The following SH2D2A variants were observed in gnomAD, a reference collection of about 807,000 sequenced individuals.
SH2D2A encodes SH2 domain-containing protein 2A.
Under a neutral mutation model 43.6 loss-of-function variants are expected in SH2D2A, and 33 were observed. That is an observed-to-expected ratio of 0.76 (90% CI 0.57 to 1.01). The LOEUF (loss-of-function observed/expected upper bound fraction) is 1.01, where lower values mean the gene tolerates loss of function less well. Ranked by LOEUF, SH2D2A falls within the 50% of genes least tolerant of loss-of-function variation. The probability of loss-of-function intolerance (pLI) is 0.00; values close to 1 mark genes in which losing one functional copy is unlikely to be tolerated. For missense variants in SH2D2A, 491 were observed against 503.1 expected, an observed-to-expected ratio of 0.98 and a Z score of 0.23; for synonymous variants, 212 against 206.1, an observed-to-expected ratio of 1.03 and a Z score of -0.25.
At chr1:156,813,150 C>T (rs769346939) in intron 5 of SH2D2A, among the ~76,000 whole-genome samples, 9 of 152,106 alleles carry the variant, frequency 5.9e-5, no homozygotes, top group Non-Finnish European at 1.3e-4. Context: ...CTAAGTACTC[C>T]GTAAGTATCT....
chr1:156,816,074 G>A lies in SH2D2A; in HGVS notation c.55C>T (p.Pro19Ser). Residue 19 changes from proline to serine, a missense_variant, in exon 2 of 9, where the codon CCA becomes TCA. Physicochemically the swap from Pro to Ser is moderately conservative, Grantham distance 74. Transcript: ENST00000368199. ...GTGATCTGGAAGGTGCTGAAGGTTGGGATGGGGGCTTCGTGACTCCCTGTG... is the reference window on the plus strand; with the variant it reads ...GTGATCTGGAAGGTGCTGAAGGTTGAGATGGGGGCTTCGTGACTCCCTGTG... ...CPQGSHEAPI[P>S]TFSTFQITDM... 2.5e-6 allele frequency: 4 copies of A among 1,613,902 alleles called. No individual in the cohort carries two copies. The highest frequency in any genetic ancestry group is 3.4e-6 in the Non-Finnish European group (4 of 1,179,888).
rs2777927 is a variant in SH2D2A, at chr1:156,809,534, C to G, written c.715-44G>C. 115 of 1,561,872 alleles carry G rather than the reference C, an allele frequency of 7.4e-5. No homozygotes were observed. Among genetic ancestry groups the G allele is most frequent in the Non-Finnish European group, 9.7e-5 (112 of 1,153,620 alleles). ...CCAGGGAGGAGTGGGGTGAGGGAGG[C>G]AGGGTTAAAGCCCCAGCCTAACTCC... On this transcript the variant is annotated intron_variant, in intron 6 of 8. Transcript: ENST00000368199. The surrounding 1 kb of genome is among the most constrained non-coding windows in gnomAD (Gnocchi z 4.8).
chr1:156,815,854 G>C, intron 2 of SH2D2A, 152 bp downstream of exon 2: 1 of 1,614,130 alleles, frequency 6.2e-7, no homozygotes, highest in Non-Finnish European at 8.5e-7. Flanking sequence ...CCTCATTTTC[G>C]TTCTCTCTCT....
chr1:156,814,281 G>C lies in SH2D2A; in HGVS notation c.322C>G (p.Leu108Val). The C allele has an allele frequency of 6.2e-7, 1 of 1,613,790 alleles. No individual in the cohort carries two copies. Among genetic ancestry groups the C allele is most frequent in the Non-Finnish European group, 8.5e-7 (1 of 1,179,924 alleles). ...GFITRREAER[L>V]LEPKPQGCYL... is the part of the protein sequence containing the mutation. ...CACCCCTGAGGCTTGGGCTCCAGCA[G>C]CCTCTCTGCCTCCCTGTGGGTGACG... Residue 108 changes from leucine to valine, a missense_variant, in exon 4 of 9, where the codon CTG (leucine) becomes GTG (valine). Physicochemically the swap from Leu to Val is conservative, Grantham distance 32 (BLOSUM62 1). Coordinates refer to ENST00000368199, the MANE Select transcript of SH2D2A (RefSeq NM_003975.4).
Position 156,809,697 on chromosome 1 carries a change from T to G in SH2D2A, c.678A>C (p.Pro226=). The G allele has an allele frequency of 1.9e-6, 3 of 1,613,650 alleles. No homozygotes were observed. The highest frequency in any genetic ancestry group is 2.5e-6 in the Non-Finnish European group (3 of 1,179,874). ...YSPIIKQGQA[P]VPMQKEGAGE... ...CGGCCCCCTCTTTCTGCATCGGGAC[T>G]GGGGCTTGCCCCTGTTTGATGATTG... The change falls in exon 6 of 9, where the codon CCA becomes CCC. Residue 226 remains proline (P), a synonymous_variant. Transcript: ENST00000368199. This position sits in a 1 kb window ranked among gnomAD's most constrained non-coding sequence, Gnocchi z 4.8.
intron 2 of SH2D2A, chr1:156,815,722 GATGCC>G: frequency 7.9e-7 from 1 of 1,267,514 alleles, no homozygotes; most frequent in Non-Finnish European, 1.2e-6. Flanking sequence ...ACAGAGTGCA[GATGCC>G]TGCTTCTGGG....
chr1:156,810,724 G>A (rs565990901), intron 5 of SH2D2A, among the ~76,000 whole-genome samples: 1 of 152,240 alleles, frequency 6.6e-6, no homozygotes, highest in East Asian at 1.9e-4. Context: ...GTTTTGCCAC[G>A]TTGGCCAGGC....
Position 156,809,948 on chromosome 1 carries a change from T to C in SH2D2A, c.568-141A>G. The C allele has an allele frequency of 1.2e-6, 1 of 835,774 alleles. No homozygotes were observed. The highest frequency in any genetic ancestry group is 2.6e-5 in the East Asian group (1 of 38,222). The allele number at this position is 835,774 out of a possible 1,614,324, so 51.8% of individuals were successfully genotyped here. ...GAAATTTGGCCTGGGCTGGGTTCCC[T>C]GGATGAGGAAGAGGGGGTGGTGACG... On this transcript the variant is annotated intron_variant, in intron 5 of 8. Transcript: ENST00000368199. The surrounding 1 kb of genome is among the most constrained non-coding windows in gnomAD (Gnocchi z 4.8).
chr1:156,814,405 G>A, intron 3 of SH2D2A, 111 bp from the exon 4 acceptor site: 1 of 1,508,896 alleles, frequency 6.6e-7, no homozygotes, highest in Admixed American at 2.2e-5. Flanking sequence ...ATGCTGGAGC[G>A]GCTAGAGAAA....
chr1:156,814,088 C>T lies in SH2D2A; in HGVS notation c.399-72G>A, dbSNP rs1434344942. On this transcript the variant is annotated intron_variant, in intron 4 of 8. Coordinates refer to ENST00000368199, the MANE Select transcript of SH2D2A (RefSeq NM_003975.4). Reference sequence around the variant, plus strand: ...GGGTCACCAGCGAGAGGCGTGATCCCCACCTTCAGCAGCCCGGGGAATGAG... The same window carrying T: ...GGGTCACCAGCGAGAGGCGTGATCCTCACCTTCAGCAGCCCGGGGAATGAG... 2.7e-6 allele frequency: 4 copies of T among 1,502,548 alleles called. No individual in the cohort carries two copies. The South Asian group carries it at 3.8e-5, about 14-fold the overall frequency. The allele number at this position is 1,502,548 out of a possible 1,614,324, so 93.1% of individuals were successfully genotyped here. A position where few individuals can be genotyped will look rare whatever the true frequency, so the allele number is the denominator to read the frequency against.
chr1:156,807,281 T>A lies in SH2D2A; in HGVS notation c.1067A>T (p.His356Leu). 1 of 543,722 alleles carries A rather than the reference T, an allele frequency of 1.8e-6. No homozygotes were observed. The highest frequency in any genetic ancestry group is 6.0e-5 in the Admixed American group (1 of 16,748). 33.7% of individuals were successfully genotyped at this position (543,722 alleles called of 1,614,324 possible). ...SVIGQGPPLP[H>L]QPPPAWRHTL... is the part of the protein sequence containing the mutation. Reference sequence around the variant, plus strand: ...GTGTCTCCAGGCGGGTGGGGGCTGGTGGGGCAGGGGAGGGCCTTGCCCAAT... The same window carrying A: ...GTGTCTCCAGGCGGGTGGGGGCTGGAGGGGCAGGGGAGGGCCTTGCCCAAT... The change falls in exon 8 of 9, where the codon CAC (histidine) becomes CTC (leucine). Residue 356 changes from histidine to leucine, a missense_variant. By Grantham distance (99) the His-to-Leu change is moderately conservative (BLOSUM62 -3). Transcript: ENST00000368199. The surrounding 1 kb of genome is among the most constrained non-coding windows in gnomAD (Gnocchi z 5.1).
At chr1:156,808,139 C>T (rs1381595049) in intron 7 of SH2D2A, among the ~76,000 whole-genome samples, 1 of 152,094 alleles carries the variant, frequency 6.6e-6, no homozygotes, top group Non-Finnish European at 1.5e-5. Context: ...GTGACAAAGC[C>T]AGACCCCAAT....
rs760452455 is a variant in SH2D2A at position 156,809,613 on chromosome 1, C to G, written c.714+48G>C. On this transcript the variant is annotated intron_variant, in intron 6 of 8. Transcript: ENST00000368199. The surrounding 1 kb of genome is among the most constrained non-coding windows in gnomAD (Gnocchi z 4.8). ...CCTCCTCCTCCCCGCTGCCTGCACCCCCTCGCAGGCCTGTCCTCCCACTCC... is the reference window on the plus strand; with the variant it reads ...CCTCCTCCTCCCCGCTGCCTGCACCGCCTCGCAGGCCTGTCCTCCCACTCC... The G allele has an allele frequency of 6.3e-7, 1 of 1,575,554 alleles. No individual in the cohort carries two copies. Among genetic ancestry groups the G allele is most frequent in the Non-Finnish European group, 8.6e-7 (1 of 1,161,664 alleles).
chr1:156,816,770 A>T lies in SH2D2A; in HGVS notation c.-62T>A. On this transcript the variant is annotated 5_prime_UTR_variant, in exon 1 of 9. Coordinates refer to ENST00000368199, the MANE Select transcript of SH2D2A (RefSeq NM_003975.4). ...GTGTATGTGTTCCGGAAAGGTGTGC[A>T]CACTCAGCAACTCATCATCTCTCCT... 7.0e-7 allele frequency: 1 copy of T among 1,438,350 alleles called. No individual in the cohort carries two copies. Among genetic ancestry groups the T allele is most frequent in the East Asian group, 2.6e-5 (1 of 38,534 alleles). The allele number at this position is 1,438,350 out of a possible 1,614,324, so 89.1% of individuals were successfully genotyped here.
chr1:156,815,129 G>C lies in SH2D2A; in HGVS notation c.216C>G (p.Ala72=), dbSNP rs754523406. Residue 72 remains alanine (A), a synonymous_variant, in exon 3 of 9, where the codon GCC becomes GCG. Coordinates refer to ENST00000368199, the MANE Select transcript of SH2D2A (RefSeq NM_003975.4). ...VPGEGSLFLQ[A]ETRAWFQKTQ... is the part of the protein sequence containing the mutation. The stretch of plus-strand genomic sequence containing the variant: ...TCTTCTGGAACCAAGCCCGGGTCTC[G>C]GCCTGCAGGAACAGGCTTCCTTCTC... 4 of 1,609,426 alleles carry C rather than the reference G, an allele frequency of 2.5e-6. No individual in the cohort carries two copies. The highest frequency in any genetic ancestry group is 3.4e-6 in the Non-Finnish European group (4 of 1,178,032).
intron 7 of SH2D2A, among the ~76,000 whole-genome samples, chr1:156,808,836 A>G (rs1341211185): frequency 1.3e-5 from 2 of 152,186 alleles, no homozygotes; most frequent in East Asian, 3.9e-4. Context: ...CCAGAGAGGC[A>G]CGGGGTGGGG....
chr1:156,814,919 T>C (rs991006577), intron 3 of SH2D2A, 118 bp downstream of exon 3: 37 of 872,136 alleles, frequency 4.2e-5, no homozygotes, highest in Middle Eastern at 7.5e-4. Flanking sequence ...AGTGGGCGCC[T>C]CCATCTACTC....
intron 7 of SH2D2A, among the ~76,000 whole-genome samples, chr1:156,808,243 C>T (rs1333030170): frequency 6.6e-6 from 1 of 152,088 alleles, no homozygotes; most frequent in Non-Finnish European, 1.5e-5. Context: ...GGGAGCTGTG[C>T]TGAGGGAGCC....
Position 156,809,049 on chromosome 1 carries a change from G to A in SH2D2A, c.1002+154C>T, listed in dbSNP as rs1381128748. On this transcript the variant is annotated intron_variant, in intron 7 of 8. Coordinates refer to ENST00000368199, the MANE Select transcript of SH2D2A (RefSeq NM_003975.4). This position sits in a 1 kb window ranked among gnomAD's most constrained non-coding sequence, Gnocchi z 4.8. ...CAGCCTCTGGGCCTGGAGAAGGGAGGCTGGTGCCTGGATCATTCTGTTCTT... is the reference window on the plus strand; with the variant it reads ...CAGCCTCTGGGCCTGGAGAAGGGAGACTGGTGCCTGGATCATTCTGTTCTT... Among the ~76,000 whole-genome samples, 1 of 152,128 alleles carries A rather than the reference G, an allele frequency of 6.6e-6. No individual in the cohort carries two copies. Among genetic ancestry groups the A allele is most frequent in the Admixed American group, 6.5e-5 (1 of 15,284 alleles).
Sources: gnomAD v4.1 joint callset for allele counts (sites outside exome capture counted in the v4.1 genomes callset) on GRCh38, gnomAD v4.1.1 for gene constraint, Gnocchi (gnomAD v3.1) non-coding constraint, MANE v1.5 for transcripts, NCBI Gene and HGNC (gene_info 2026-07-23, HGNC 2026-07-21) for gene names.